TF: variants seen among roughly 807,000 people sequenced by gnomAD.
TF encodes serotransferrin.
A neutral mutation model predicts 82.4 loss-of-function variants in TF; 55 were observed. That is an observed-to-expected ratio of 0.67 (90% CI 0.54 to 0.84). The LOEUF is 0.84. Among genes scored for constraint, TF ranks in the 40% least tolerant of loss-of-function variants. The probability of loss-of-function intolerance (pLI) is 0.00; values close to 1 mark genes in which losing one functional copy is unlikely to be tolerated. For synonymous variants in TF, 332 were observed against 332.6 expected (o/e 1.00, Z 0.02); for missense variants, 737 against 868.4 (o/e 0.85, Z 1.90).
At chr3:133,711,715 T>C in the TF span, among the ~76,000 whole-genome samples, 1 of 152,210 alleles carries the variant, frequency 6.6e-6, no homozygotes, top group East Asian at 1.9e-4. Flanking sequence ...GGCCAATCTT[T>C]GCAAAGTGCA....
intron 5 of TF, 173 bp downstream of exon 5, chr3:133,755,668 A>G (rs908262999): frequency 6.1e-6 from 5 of 821,892 alleles, no homozygotes; most frequent in Non-Finnish European, 9.7e-6. Flanking sequence ...AAGCCAGCCC[A>G]TGTTCCCTTT....
the TF span, among the ~76,000 whole-genome samples, chr3:133,679,703 C>T: frequency 6.6e-6 from 1 of 151,058 alleles, no homozygotes; most frequent in African/African-American, 2.4e-5. Flanking sequence ...AGCTTATTCA[C>T]CCATTCACTT....
chr3:133,751,740 C>T (rs1443079761), intron 2 of TF, among the ~76,000 whole-genome samples: 1 of 152,006 alleles, frequency 6.6e-6, no homozygotes, highest in African/African-American at 2.4e-5. Flanking sequence ...GCCTGTAATC[C>T]CAGCACTTTG....
chr3:133,735,354 A>G, the TF span, among the ~76,000 whole-genome samples: 2 of 151,890 alleles, frequency 1.3e-5, no homozygotes, highest in Non-Finnish European at 2.9e-5. Flanking sequence ...AAAAAAAAAA[A>G]AGAAATAATT....
intron 7 of TF, 24 bp from the exon 8 acceptor site, chr3:133,757,745 A>T: frequency 6.2e-7 from 1 of 1,605,554 alleles, no homozygotes; most frequent in Non-Finnish European, 8.5e-7. Flanking sequence ...GTTGCCATCC[A>T]CTATTCTGTT....
At chr3:133,679,902 CCAG>C in the TF span, among the ~76,000 whole-genome samples, 1 of 152,160 alleles carries the variant, frequency 6.6e-6, no homozygotes, top group East Asian at 1.9e-4. Flanking sequence ...TACATTCCCA[CCAG>C]CAGCATATAA....
chr3:133,736,631 C>CAAAAAAAAAA, the TF span, among the ~76,000 whole-genome samples: 86 of 32,536 alleles, frequency 2.6e-3, 2 homozygotes, highest in African/African-American at 5.6e-3. Flanking sequence ...AATGGAAAGC[C>CAAAAAAAAAA]AAAAAAAAAA....
rs376830242 is a variant in TF, at chr3:133,768,072, C to T, written c.1530C>T (p.Asp510=). 1 of 1,614,074 alleles carries T rather than the reference C, an allele frequency of 6.2e-7. No individual in the cohort carries two copies. Among genetic ancestry groups the T allele is most frequent in the Non-Finnish European group, 8.5e-7 (1 of 1,180,030 alleles). ...GTTGTGCCCCTGGGTCTAAGAAAGA[C>T]TCCAGTCTCTGTAAGCTGTGTATGG... ...SEGCAPGSKK[D]SSLCKLCMGS... is the part of the protein sequence containing the mutation. Residue 510 remains aspartate, a synonymous_variant, in exon 13 of 17, where the codon GAC becomes GAT. Coordinates refer to ENST00000402696, the MANE Select transcript of TF (RefSeq NM_001063.4).
At chr3:133,723,653 T>TATTATTAC in the TF span, among the ~76,000 whole-genome samples, 1 of 71,580 alleles carries the variant, frequency 1.4e-5, no homozygotes, top group Non-Finnish European at 2.7e-5. Context: ...ATTATTATTA[T>TATTATTAC]TATTATTATT....
the TF span, among the ~76,000 whole-genome samples, chr3:133,739,895 T>C: frequency 6.6e-6 from 1 of 152,346 alleles, no homozygotes; most frequent in African/African-American, 2.4e-5. Flanking sequence ...GGAGTGTAAA[T>C]TAGTTCAACC....
the TF span, among the ~76,000 whole-genome samples, chr3:133,711,141 G>A: frequency 0.072 from 10,895 of 152,178 alleles, 703 homozygotes; most frequent in African/African-American, 0.17. Context: ...AAACGTTTGC[G>A]TTGCTAAATG....
chr3:133,777,330 C>A, intron 16 of TF, 92 bp downstream of exon 16: 1 of 1,281,746 alleles, frequency 7.8e-7, no homozygotes, highest in Non-Finnish European at 1.1e-6. Context: ...AGGCTGTGGC[C>A]CTTGGGATAG....
chr3:133,766,204 GA>G (rs1934122162), intron 11 of TF, 73 bp from the exon 12 acceptor site: 2 of 1,433,728 alleles, frequency 1.4e-6, no homozygotes, highest in Non-Finnish European at 9.8e-7. Context: ...CTTCCCTAGG[GA>G]AATTGATTGG....
chr3:133,673,888 G>C, the TF span, among the ~76,000 whole-genome samples: 1 of 152,202 alleles, frequency 6.6e-6, no homozygotes, highest in Admixed American at 6.5e-5. Context: ...CCAGGCAGAA[G>C]TCACAGACCT....
chr3:133,705,363 C>T, the TF span, among the ~76,000 whole-genome samples: 1 of 152,026 alleles, frequency 6.6e-6, no homozygotes, highest in Non-Finnish European at 1.5e-5. Context: ...GGGTTCTTTC[C>T]CTCCCGTATA....
intron 1 of TF, 43 bp from the exon 2 acceptor site, chr3:133,748,369 G>A (rs1457355925): frequency 1.9e-6 from 3 of 1,612,940 alleles, no homozygotes; most frequent in Non-Finnish European, 2.5e-6. Context: ...CTCTCCCTCA[G>A]CATAGGGAGT....
intron 14 of TF, 189 bp downstream of exon 14, chr3:133,770,761 GC>G: frequency 3.0e-6 from 2 of 665,658 alleles, no homozygotes; most frequent in South Asian, 1.8e-5. Flanking sequence ...GGATTATGGG[GC>G]CCCCAATGGC....
upstream of TF, among the ~76,000 whole-genome samples, chr3:133,745,012 A>G (rs1303529524): frequency 6.6e-6 from 1 of 152,194 alleles, no homozygotes; most frequent in Non-Finnish European, 1.5e-5. Context: ...TTGTTTTGGC[A>G]TTTTTATTTC....
At chr3:133,773,014 G>A (rs1281323132) in intron 14 of TF, 1 of 152,128 alleles carries the variant, frequency 6.6e-6, no homozygotes, top group Non-Finnish European at 1.5e-5. Context: ...GAGGTTTGCG[G>A]TATGATTGAA....
Sources: gnomAD v4.1 joint callset for allele counts (sites outside exome capture counted in the v4.1 genomes callset) on GRCh38, gnomAD v4.1.1 for gene constraint, MANE v1.5 for transcripts, NCBI Gene and HGNC (gene_info 2026-07-23, HGNC 2026-07-21) for gene names.